The following SV2C variants were observed in gnomAD, a reference collection of about 807,000 sequenced individuals.
SV2C encodes synaptic vesicle glycoprotein 2C, also known as solute carrier family 22 member B3.
A neutral mutation model predicts 79.7 loss-of-function variants in SV2C; 49 were observed. That is an observed-to-expected ratio of 0.61 (90% CI 0.49 to 0.78). The LOEUF (loss-of-function observed/expected upper bound fraction) is 0.78, where lower values mean the gene tolerates loss of function less well. Among genes scored for constraint, SV2C ranks in the 30% least tolerant of loss-of-function variants. The probability of loss-of-function intolerance (pLI) is 0.00; values close to 1 mark genes in which losing one functional copy is unlikely to be tolerated. For synonymous variants in SV2C, 334 were observed against 333.2 expected (o/e 1.00, Z -0.03); for missense variants, 833 against 912.9 (o/e 0.91, Z 1.13).
chr5:75,966,095 T>G, the SV2C span, among the ~76,000 whole-genome samples: 1 of 152,228 alleles, frequency 6.6e-6, no homozygotes, highest in Non-Finnish European at 1.5e-5. Context: ...CATTATTGAT[T>G]AGCTGCCTTC....
At chr5:75,884,762 C>T in the SV2C span, among the ~76,000 whole-genome samples, 1 of 151,464 alleles carries the variant, frequency 6.6e-6, no homozygotes, top group African/African-American at 2.4e-5. Flanking sequence ...CACTGTACCC[C>T]ATAAGTATGT....
At chr5:76,299,361 GA>G (rs999226764) in intron 10 of SV2C, among the ~76,000 whole-genome samples, 8 of 151,762 alleles carry the variant, frequency 5.3e-5, no homozygotes, top group South Asian at 2.1e-4. Flanking sequence ...TCCCCAGGGG[GA>G]AAAAAAAGGA....
chr5:76,029,050 A>G, the SV2C span, among the ~76,000 whole-genome samples: 76 of 152,330 alleles, frequency 5.0e-4, no homozygotes, highest in African/African-American at 1.7e-3. Context: ...TAAATGAATG[A>G]ATACCACCCA....
the SV2C span, among the ~76,000 whole-genome samples, chr5:75,852,624 G>T: frequency 2.0e-5 from 3 of 151,940 alleles, no homozygotes; most frequent in African/African-American, 4.8e-5. Context: ...AGAATATTTC[G>T]TCTATAGATC....
intron 2 of SV2C, among the ~76,000 whole-genome samples, chr5:76,160,964 A>T (rs1580317389): frequency 6.6e-6 from 1 of 151,826 alleles, no homozygotes; most frequent in Non-Finnish European, 1.5e-5. Context: ...TTTGGAAAAA[A>T]CTAGCAGTTT....
the SV2C span, among the ~76,000 whole-genome samples, chr5:75,847,518 G>A: frequency 6.6e-6 from 1 of 152,342 alleles, no homozygotes; most frequent in East Asian, 1.9e-4. Flanking sequence ...GACTTCAGTG[G>A]AATATCTACT....
intron 1 of SV2C, among the ~76,000 whole-genome samples, chr5:76,125,156 A>C (rs1748662642): frequency 6.6e-6 from 1 of 152,228 alleles, no homozygotes; most frequent in African/African-American, 2.4e-5. Context: ...TAAAATTAAA[A>C]TTTCCAGGCT....
At chr5:76,020,391 G>GT in the SV2C span, among the ~76,000 whole-genome samples, 2 of 152,158 alleles carry the variant, frequency 1.3e-5, no homozygotes, top group Non-Finnish European at 2.9e-5. Flanking sequence ...CTGGATGAGA[G>GT]TTCTATTACA....
chr5:76,170,710 A>T (rs1349012312), intron 2 of SV2C, among the ~76,000 whole-genome samples: 1 of 150,074 alleles, frequency 6.7e-6, no homozygotes, highest in Non-Finnish European at 1.5e-5. Flanking sequence ...TACTGAAAGG[A>T]CTATCATATT....
At chr5:75,903,122 A>G in the SV2C span, among the ~76,000 whole-genome samples, 1 of 152,212 alleles carries the variant, frequency 6.6e-6, no homozygotes, top group South Asian at 2.1e-4. Context: ...AAGGAAGAGA[A>G]CTAGGATTTA....
the SV2C span, among the ~76,000 whole-genome samples, chr5:75,951,160 T>G: frequency 1.3e-5 from 2 of 152,030 alleles, no homozygotes; most frequent in East Asian, 1.9e-4. Flanking sequence ...GGATAAAAAT[T>G]TATGTGGTCT....
intron 4 of SV2C, among the ~76,000 whole-genome samples, chr5:76,278,433 C>T (rs770725893): frequency 3.3e-5 from 5 of 152,120 alleles, no homozygotes; most frequent in Non-Finnish European, 7.4e-5. Flanking sequence ...CTGGAAGGTA[C>T]GAAGCCTGCA....
At chr5:75,917,680 G>A in the SV2C span, among the ~76,000 whole-genome samples, 1 of 152,180 alleles carries the variant, frequency 6.6e-6, no homozygotes, top group Non-Finnish European at 1.5e-5. Flanking sequence ...AGGGTAGTGG[G>A]AGGACTGGGG....
intron 3 of SV2C, among the ~76,000 whole-genome samples, chr5:76,200,787 A>C (rs1410964754): frequency 6.6e-6 from 1 of 152,104 alleles, no homozygotes; most frequent in Non-Finnish European, 1.5e-5. Flanking sequence ...CCACAGATGC[A>C]TGCCACCACA....
intron 3 of SV2C, among the ~76,000 whole-genome samples, chr5:76,196,616 A>G (rs1744279329): frequency 6.6e-6 from 1 of 152,188 alleles, no homozygotes. Context: ...TCCATAGGAT[A>G]AGATATTCTT....
Position 76,150,432 on chromosome 5 carries a change from T to C in SV2C, c.580+18102T>C, listed in dbSNP as rs1266913403. On this transcript the variant is annotated intron_variant, in intron 2 of 12. Transcript: ENST00000502798. ...ACCTCATGATCCGCCCACCTTGGCC[T>C]CCCAAAATGCTGGGATTACAGGCGC... is the stretch of plus-strand genomic sequence containing the variant. 2.6e-5 allele frequency among the ~76,000 whole-genome samples: 4 copies of C among 152,166 alleles called. No homozygotes were observed. The East Asian group carries it at 5.8e-4, about 22-fold the overall frequency.
the SV2C span, among the ~76,000 whole-genome samples, chr5:76,048,957 AAG>A: frequency 7.3e-6 from 1 of 136,144 alleles, no homozygotes; most frequent in South Asian, 2.4e-4. Flanking sequence ...AAGAGAGAGA[AAG>A]AAAAAGAGAA....
intron 6 of SV2C, chr5:76,286,745 T>C (rs1270523644): frequency 6.6e-6 from 1 of 152,138 alleles, no homozygotes; most frequent in Admixed American, 6.5e-5. Flanking sequence ...AAACTTCTGA[T>C]CATGGCAGAA....
the SV2C span, among the ~76,000 whole-genome samples, chr5:75,894,512 G>C: frequency 6.6e-6 from 1 of 152,038 alleles, no homozygotes; most frequent in Non-Finnish European, 1.5e-5. Flanking sequence ...TGTGTTTGGA[G>C]CTCCTTTCAA....
Sources: gnomAD v4.1 joint callset for allele counts (sites outside exome capture counted in the v4.1 genomes callset) on GRCh38, gnomAD v4.1.1 for gene constraint, MANE v1.5 for transcripts, NCBI Gene and HGNC (gene_info 2026-07-23, HGNC 2026-07-21) for gene names.